Variants in DTWD2 observed in about 807,000 individuals in gnomAD.
The protein encoded by DTWD2 is tRNA-uridine aminocarboxypropyltransferase 2.
Under a neutral mutation model 31.8 loss-of-function variants are expected in DTWD2, and 39 were observed. The ratio of observed to expected loss-of-function variants is 1.22; its 90% CI spans 0.95 to 1.60. The LOEUF is 1.60. DTWD2 is among the 40% of genes most tolerant of loss of function. The pLI, the probability that DTWD2 is intolerant of heterozygous loss-of-function variation, is 0.00. For missense variants in DTWD2, 515 were observed against 381.5 expected, an observed-to-expected ratio of 1.35 and a Z score of -2.92; for synonymous variants, 180 against 142.8, an observed-to-expected ratio of 1.26 and a Z score of -1.86.
chr5:118,983,205 A>G (rs1459868631), intron 1 of DTWD2, among the ~76,000 whole-genome samples: 1 of 152,204 alleles, frequency 6.6e-6, no homozygotes, highest in Non-Finnish European at 1.5e-5. Context: ...TGAGTTAAGC[A>G]GGAACGACTG....
chr5:118,925,477 AAAGT>A (rs1300656858), intron 4 of DTWD2, among the ~76,000 whole-genome samples: 3 of 152,212 alleles, frequency 2.0e-5, no homozygotes, highest in Admixed American at 6.5e-5. Context: ...ATCAGAAATA[AAAGT>A]AAAATAATGA....
chr5:118,912,342 T>C (rs1045599700), intron 4 of DTWD2, among the ~76,000 whole-genome samples: 7 of 152,006 alleles, frequency 4.6e-5, no homozygotes, highest in African/African-American at 7.2e-5. Context: ...GTACATAAGA[T>C]AGAAAAAACA....
In DTWD2 at chr5:118,943,352, C is replaced by T. The variant is rs971901927; in HGVS notation, c.309+1207G>A. On this transcript the variant is annotated intron_variant, in intron 2 of 5. Coordinates refer to ENST00000510708, the MANE Select transcript of DTWD2 (RefSeq NM_173666.4). ...GGATCATGAGATCAGGAGATCGAGA[C>T]CATCCTGGCTAACACGGTGAAACCC... 4.6e-5 allele frequency among the ~76,000 whole-genome samples: 7 copies of T among 152,010 alleles called. No homozygotes were observed. In the South Asian group the frequency reaches 1.5e-3, roughly 32 times the overall value.
chr5:118,860,215 T>A (rs1036633746), intron 4 of DTWD2, among the ~76,000 whole-genome samples: 5 of 149,580 alleles, frequency 3.3e-5, no homozygotes, highest in African/African-American at 1.2e-4. Flanking sequence ...GTTTATAATA[T>A]GTATTGTATT....
At chr5:118,962,801 A>G (rs1390394467) in intron 1 of DTWD2, among the ~76,000 whole-genome samples, 2 of 152,238 alleles carry the variant, frequency 1.3e-5, no homozygotes, top group Non-Finnish European at 2.9e-5. Context: ...CTTAAAGATG[A>G]TGAAACTAAG....
intron 4 of DTWD2, among the ~76,000 whole-genome samples, chr5:118,900,711 G>A (rs1358061200): frequency 6.6e-6 from 1 of 152,044 alleles, no homozygotes; most frequent in Admixed American, 6.5e-5. Context: ...CAGATCACAA[G>A]GTCAGGAGAT....
intron 4 of DTWD2, among the ~76,000 whole-genome samples, chr5:118,863,099 T>C (rs904511122): frequency 1.3e-5 from 2 of 152,196 alleles, no homozygotes. Flanking sequence ...AGTAACATAT[T>C]CTGTTATATA....
In DTWD2 at chr5:118,845,281, G is replaced by T. The variant is rs540873922; in HGVS notation, c.726+2809C>A. ...GAATGCCCCTGATAAAAGGTTATTG[G>T]GAAAAAGTGTATGTCATCACTTTCC... On this transcript the variant is annotated intron_variant, in intron 5 of 5. Transcript: ENST00000510708. 1.3e-5 allele frequency among the ~76,000 whole-genome samples: 2 copies of T among 152,242 alleles called. 1 individual carries two copies. The highest frequency in any genetic ancestry group is 4.1e-4 in the South Asian group (2 of 4,822).
intron 4 of DTWD2, among the ~76,000 whole-genome samples, chr5:118,911,716 G>T (rs1753462085): frequency 6.6e-6 from 1 of 152,062 alleles, no homozygotes; most frequent in African/African-American, 2.4e-5. Context: ...CCTTAAAAAA[G>T]GATTCTGCCA....
intron 3 of DTWD2, among the ~76,000 whole-genome samples, chr5:118,931,780 T>C (rs892829186): frequency 3.9e-5 from 6 of 152,150 alleles, no homozygotes; most frequent in Non-Finnish European, 5.9e-5. Context: ...AACAACAAAA[T>C]ACACATTCTT....
At chr5:118,872,409 C>G (rs1752525680) in intron 4 of DTWD2, among the ~76,000 whole-genome samples, 1 of 152,166 alleles carries the variant, frequency 6.6e-6, no homozygotes, top group Non-Finnish European at 1.5e-5. Context: ...TCATTTCTAG[C>G]CTTTGATTTA....
chr5:118,890,553 T>C (rs940196383), intron 4 of DTWD2, among the ~76,000 whole-genome samples: 1 of 149,476 alleles, frequency 6.7e-6, no homozygotes, highest in East Asian at 2.0e-4. Context: ...GTGGGGCTTT[T>C]AGGTTTTCCT....
At chr5:118,897,849 A>C (rs537148504) in intron 4 of DTWD2, among the ~76,000 whole-genome samples, 1 of 152,336 alleles carries the variant, frequency 6.6e-6, no homozygotes, top group African/African-American at 2.4e-5. Context: ...CCTCCAGAGT[A>C]AAATTAATAT....
At chr5:118,973,812 T>C (rs1012625712) in intron 1 of DTWD2, 7 of 1,612,034 alleles carry the variant, frequency 4.3e-6, no homozygotes, top group Middle Eastern at 2.0e-4. Flanking sequence ...GACGCAGCCG[T>C]AGACACCAGC....
intron 4 of DTWD2, among the ~76,000 whole-genome samples, chr5:118,862,271 T>G (rs1752279052): frequency 6.6e-6 from 1 of 152,176 alleles, no homozygotes; most frequent in African/African-American, 2.4e-5. Flanking sequence ...AGTCCCTGGG[T>G]GCCAAAAAGG....
chr5:118,953,158 C>T (rs1317478911), intron 1 of DTWD2, among the ~76,000 whole-genome samples: 1 of 152,184 alleles, frequency 6.6e-6, no homozygotes, highest in African/African-American at 2.4e-5. Context: ...ATGTGCATTT[C>T]TAACAAATTC....
intron 4 of DTWD2, among the ~76,000 whole-genome samples, chr5:118,852,940 A>G (rs1415668594): frequency 1.3e-5 from 2 of 152,196 alleles, no homozygotes; most frequent in African/African-American, 4.8e-5. Context: ...GGACGCCATT[A>G]TCCTATGTGA....
At chr5:118,862,789 C>A (rs1299775164) in intron 4 of DTWD2, among the ~76,000 whole-genome samples, 1 of 152,124 alleles carries the variant, frequency 6.6e-6, no homozygotes, top group South Asian at 2.1e-4. Context: ...TAAGTACAAG[C>A]AAACTATGAC....
In DTWD2 at chr5:118,909,746, A is replaced by G. The variant is rs1286197606; in HGVS notation, c.597+18791T>C. 3.3e-5 allele frequency among the ~76,000 whole-genome samples: 5 copies of G among 152,236 alleles called. No homozygotes were observed. The East Asian group carries it at 9.6e-4, about 29-fold the overall frequency. ...CCAAGGACCTCCCACAATTCTTGCC[A>G]CCAATGACTATGTAGCTAACAATAA... is the stretch of plus-strand genomic sequence containing the variant. On this transcript the variant is annotated intron_variant, in intron 4 of 5. Coordinates refer to ENST00000510708, the MANE Select transcript of DTWD2 (RefSeq NM_173666.4).
Sources: allele counts gnomAD v4.1 joint callset (sites outside exome capture counted in the v4.1 genomes callset), GRCh38; gene constraint gnomAD v4.1.1; transcripts MANE v1.5; gene names NCBI Gene and HGNC (gene_info 2026-07-23, HGNC 2026-07-21).